Variants in ELMO1 observed in about 807,000 individuals in gnomAD.
ELMO1 encodes engulfment and cell motility 1.
In ELMO1, 26 loss-of-function variants were observed where a neutral mutation model predicts 98.9. That is an observed-to-expected ratio of 0.26 (90% CI 0.19 to 0.36). The LOEUF (loss-of-function observed/expected upper bound fraction) is 0.36. Among genes scored for constraint, ELMO1 ranks in the 10% least tolerant of loss-of-function variants. The pLI is 1.00. For synonymous variants in ELMO1, 346 were observed against 346.0 expected, an observed-to-expected ratio of 1.00 and a Z score of 0.00; for missense variants, 627 against 935.2, an observed-to-expected ratio of 0.67 and a Z score of 4.30.
intron 15 of ELMO1, among the ~76,000 whole-genome samples, chr7:37,057,339 A>C (rs150271812): frequency 1.8e-3 from 271 of 152,226 alleles, no homozygotes; most frequent in Non-Finnish European, 3.3e-3. Context: ...AAAGAGAATG[A>C]AGTGTTAGAA....
intron 1 of ELMO1, among the ~76,000 whole-genome samples, chr7:37,426,732 A>G (rs1379502272): frequency 6.6e-6 from 1 of 152,128 alleles, no homozygotes; most frequent in Non-Finnish European, 1.5e-5. Context: ...GTGTTTCCCA[A>G]ACTCTAGTTC....
intron 13 of ELMO1, chr7:37,204,257 A>G (rs1040692901): frequency 8.8e-6 from 4 of 454,764 alleles, no homozygotes; most frequent in African/African-American, 8.0e-5. Flanking sequence ...TACAGTTCTT[A>G]AAGATGGTGT....
chr7:37,329,953 C>T (rs10242920), intron 2 of ELMO1, among the ~76,000 whole-genome samples: 3 of 151,980 alleles, frequency 2.0e-5, no homozygotes, highest in Admixed American at 1.3e-4. Flanking sequence ...TTCCATTTTG[C>T]CCTCAAAAAA....
intron 13 of ELMO1, among the ~76,000 whole-genome samples, chr7:37,168,127 G>A (rs949602782): frequency 5.8e-4 from 88 of 151,296 alleles, no homozygotes; most frequent in African/African-American, 2.0e-3. Context: ...CCAGTTGATC[G>A]CATTGGCTCC....
At chr7:37,295,404 T>C (rs1797980514) in intron 4 of ELMO1, among the ~76,000 whole-genome samples, 1 of 151,780 alleles carries the variant, frequency 6.6e-6, no homozygotes, top group South Asian at 2.1e-4. Flanking sequence ...ATTTAAAAGT[T>C]TTTAAATTAC....
intron 13 of ELMO1, among the ~76,000 whole-genome samples, chr7:37,179,287 T>TA (rs1790695891): frequency 6.6e-6 from 1 of 150,898 alleles, no homozygotes; most frequent in Admixed American, 6.6e-5. Context: ...CTCTTTTTTT[T>TA]TTTTTTTTGA....
At chr7:37,273,086 C>T (rs1796655516) in intron 4 of ELMO1, among the ~76,000 whole-genome samples, 1 of 152,206 alleles carries the variant, frequency 6.6e-6, no homozygotes, top group Non-Finnish European at 1.5e-5. Context: ...TTAACATTTG[C>T]TGATTCCTTT....
chr7:37,348,417 T>C (rs1412333840), intron 1 of ELMO1, among the ~76,000 whole-genome samples: 1 of 152,128 alleles, frequency 6.6e-6, no homozygotes, highest in Non-Finnish European at 1.5e-5. Context: ...CAGAGAATGC[T>C]ATACCGTTCC....
intron 16 of ELMO1, among the ~76,000 whole-genome samples, chr7:36,973,470 A>G (rs1790158571): frequency 6.6e-6 from 1 of 152,244 alleles, no homozygotes; most frequent in Non-Finnish European, 1.5e-5. Context: ...ATAGGCCTCA[A>G]TTTGCTCCAT....
chr7:36,927,745 C>T (rs1785698415), intron 16 of ELMO1, among the ~76,000 whole-genome samples: 1 of 152,198 alleles, frequency 6.6e-6, no homozygotes, highest in African/African-American at 2.4e-5. Flanking sequence ...TTTAGCATCA[C>T]TCTAGAGATC....
At chr7:37,074,661 C>T (rs1005180662) in intron 15 of ELMO1, among the ~76,000 whole-genome samples, 1 of 152,104 alleles carries the variant, frequency 6.6e-6, no homozygotes, top group Non-Finnish European at 1.5e-5. Flanking sequence ...GATCCAGGGC[C>T]CCCAGAGTTT....
intron 16 of ELMO1, among the ~76,000 whole-genome samples, chr7:36,918,590 T>C (rs1396778607): frequency 3.3e-5 from 5 of 152,122 alleles, no homozygotes; most frequent in Non-Finnish European, 5.9e-5. Context: ...GCAGGAGGAA[T>C]AGGGGCCAGG....
intron 1 of ELMO1, among the ~76,000 whole-genome samples, chr7:37,417,950 G>T (rs1347012943): frequency 6.6e-6 from 1 of 152,154 alleles, no homozygotes; most frequent in Non-Finnish European, 1.5e-5. Flanking sequence ...GACCACCTGG[G>T]GCCACCAGAA....
intron 20 of ELMO1, among the ~76,000 whole-genome samples, chr7:36,869,464 G>T (rs963387255): frequency 1.1e-4 from 16 of 152,132 alleles, no homozygotes; most frequent in African/African-American, 3.9e-4. Context: ...TTATTTTAAC[G>T]CTGATTGGTA....
chr7:37,273,924 G>C (rs1446002242), intron 4 of ELMO1, among the ~76,000 whole-genome samples: 1 of 152,188 alleles, frequency 6.6e-6, no homozygotes, highest in Non-Finnish European at 1.5e-5. Flanking sequence ...ACCCAAAAAG[G>C]GGCAGCCTTC....
intron 4 of ELMO1, among the ~76,000 whole-genome samples, chr7:37,309,719 G>A (rs1798800107): frequency 6.6e-6 from 1 of 152,294 alleles, no homozygotes; most frequent in Non-Finnish European, 1.5e-5. Context: ...TAAGCAAAGG[G>A]GCGGGGACTG....
At chr7:37,350,384 G>A (rs944691659) in intron 1 of ELMO1, among the ~76,000 whole-genome samples, 2 of 152,200 alleles carry the variant, frequency 1.3e-5, no homozygotes, top group African/African-American at 4.8e-5. Flanking sequence ...GAAACTTGCA[G>A]AGAAAAGTCT....
chr7:37,104,639 G>A (rs1451355120), intron 14 of ELMO1, among the ~76,000 whole-genome samples: 2 of 152,198 alleles, frequency 1.3e-5, no homozygotes, highest in African/African-American at 2.4e-5. Flanking sequence ...TCCAGGCTGC[G>A]GAGGCCTCAG....
intron 15 of ELMO1, among the ~76,000 whole-genome samples, chr7:37,071,128 A>G (rs1340355300): frequency 1.3e-5 from 2 of 152,182 alleles, no homozygotes; most frequent in Non-Finnish European, 2.9e-5. Flanking sequence ...CTGTACATCA[A>G]AAAAGGGTAA....
Sources: allele counts gnomAD v4.1 joint callset (sites outside exome capture counted in the v4.1 genomes callset), GRCh38; gene constraint gnomAD v4.1.1; transcripts MANE v1.5; gene names NCBI Gene and HGNC (gene_info 2026-07-23, HGNC 2026-07-21).